The following TPCN2 variants were observed in gnomAD, a reference collection of about 807,000 sequenced individuals.
TPCN2 encodes two pore channel protein 2.
In TPCN2, 92 loss-of-function variants were observed where a neutral mutation model predicts 111.4. The ratio of observed to expected loss-of-function variants is 0.83; its 90% CI spans 0.70 to 0.98. The LOEUF (loss-of-function observed/expected upper bound fraction) is 0.98, where lower values mean the gene tolerates loss of function less well. Ranked by LOEUF, TPCN2 falls within the 50% of genes least tolerant of loss-of-function variation. The pLI, the probability that TPCN2 is intolerant of heterozygous loss-of-function variation, is 0.00. For missense variants in TPCN2, 995 were observed against 980.1 expected (o/e 1.02, Z -0.20); for synonymous variants, 405 against 414.5 (o/e 0.98, Z 0.28).
At chr11:69,083,835 A>G (rs1856150333) in intron 18 of TPCN2, 110 bp from the exon 19 acceptor site, 2 of 970,704 alleles carry the variant, frequency 2.1e-6, no homozygotes, top group Admixed American at 1.9e-5. Flanking sequence ...GTTGGTGGTC[A>G]TTGGCCTGCC....
chr11:69,079,145 C>G lies in TPCN2; in HGVS notation c.1539+125C>G. The G allele has an allele frequency of 9.2e-6, 12 of 1,304,512 alleles. No homozygotes were observed. In the South Asian group the frequency reaches 1.3e-4, roughly 14 times the overall value. The allele number at this position is 1,304,512 out of a possible 1,614,324, so 80.8% of individuals were successfully genotyped here. On this transcript the variant is annotated intron_variant, in intron 16 of 24. Transcript: ENST00000294309. ...GGCTGTAGGAAGGTGGGCTTCTGCT[C>G]TCAGTGGTGAGGGCTGGCTTCCCTG... is the stretch of plus-strand genomic sequence containing the variant.
At chr11:69,077,481 T>C (rs1482920429) in intron 13 of TPCN2, among the ~76,000 whole-genome samples, 3 of 152,228 alleles carry the variant, frequency 2.0e-5, no homozygotes, top group East Asian at 3.9e-4. Context: ...TGTGGCAGAG[T>C]GCGTATCGAG....
chr11:69,085,582 G>T, intron 20 of TPCN2, 89 bp from the exon 21 acceptor site: 1 of 919,694 alleles, frequency 1.1e-6, no homozygotes, highest in South Asian at 1.4e-5. Context: ...AGGCCAGGCT[G>T]AGCACGCCAG....
At chr11:69,054,341 C>T in intron 2 of TPCN2, 1 of 578,106 alleles carries the variant, frequency 1.7e-6, no homozygotes, top group South Asian at 2.0e-5. Context: ...CCACCCCATT[C>T]TAGGTCCCGG....
chr11:69,055,874 C>T (rs545402359), intron 4 of TPCN2, among the ~76,000 whole-genome samples: 2 of 152,320 alleles, frequency 1.3e-5, no homozygotes, highest in South Asian at 4.1e-4. Context: ...CCTCAAGGCT[C>T]ACCCTGCCAC....
chr11:69,057,487 C>T (rs1854825206), intron 4 of TPCN2, 91 bp from the exon 5 acceptor site: 8 of 1,229,660 alleles, frequency 6.5e-6, no homozygotes, highest in African/African-American at 1.5e-5. Context: ...CTGCTCTGGT[C>T]GCCTGGTCCC....
chr11:69,089,954 C>G lies in TPCN2; in HGVS notation c.*2001C>G, dbSNP rs1856390039. 6.6e-6 allele frequency: 1 copy of G among 152,144 alleles called. No individual in the cohort carries two copies. The highest frequency in any genetic ancestry group is 1.5e-5 in the Non-Finnish European group (1 of 68,034). 9.4% of individuals were successfully genotyped at this position (152,144 alleles called of 1,614,324 possible). A position where few individuals can be genotyped will look rare whatever the true frequency, so the allele number is the denominator to read the frequency against. On this transcript the variant is annotated 3_prime_UTR_variant, in exon 25 of 25. Transcript: ENST00000294309. ...TGTACCTACAGTTCTTTAGCTGTTT[C>G]TTTACTTTCTGGTGCAAAAAGATGT...
intron 19 of TPCN2, 94 bp downstream of exon 19, chr11:69,084,110 G>T: frequency 7.7e-7 from 1 of 1,304,300 alleles, no homozygotes. Context: ...TCACTGCTCT[G>T]TCGGTAGGAA....
intron 1 of TPCN2, among the ~76,000 whole-genome samples, chr11:69,053,768 G>A (rs887548409): frequency 6.6e-6 from 1 of 152,176 alleles, no homozygotes; most frequent in Non-Finnish European, 1.5e-5. Flanking sequence ...AGGATGTGCC[G>A]CTTCCCACAG....
At chr11:69,082,088 G>A (rs550447291) in intron 18 of TPCN2, among the ~76,000 whole-genome samples, 4 of 152,204 alleles carry the variant, frequency 2.6e-5, no homozygotes, top group South Asian at 4.1e-4. Flanking sequence ...CTCTGTCCCC[G>A]TTCATCCTTC....
Position 69,063,880 on chromosome 11 carries a change from C to T in TPCN2, c.654-15C>T, listed in dbSNP as rs529399746. 221 of 1,613,214 alleles carry T rather than the reference C, an allele frequency of 1.4e-4. 2 individuals carry two copies. The Middle Eastern group carries it at 6.8e-3, about 49-fold the overall frequency. ...CCGCCGCCTGGCCCAGGCTGAGTGC[C>T]GTGCTCTCCCCCAGCGTCGGGCTGC... is the stretch of plus-strand genomic sequence containing the variant. On this transcript the variant is annotated splice_polypyrimidine_tract_variant and intron_variant, in intron 6 of 24. Coordinates refer to ENST00000294309, the MANE Select transcript of TPCN2 (RefSeq NM_139075.4).
chr11:69,056,044 C>G (rs1265388446), intron 4 of TPCN2, among the ~76,000 whole-genome samples: 1 of 152,272 alleles, frequency 6.6e-6, no homozygotes, highest in Non-Finnish European at 1.5e-5. Context: ...TGAGCCTCGT[C>G]AGAGACTTAG....
intron 5 of TPCN2, among the ~76,000 whole-genome samples, chr11:69,059,871 G>T (rs1020966527): frequency 6.6e-6 from 1 of 152,258 alleles, no homozygotes; most frequent in African/African-American, 2.4e-5. Context: ...CCTGCCTCTG[G>T]CTGAGTGGTT....
chr11:69,084,296 C>G (rs1856176809), intron 19 of TPCN2, among the ~76,000 whole-genome samples: 1 of 152,192 alleles, frequency 6.6e-6, no homozygotes, highest in African/African-American at 2.4e-5. Context: ...TTTTGAGTCT[C>G]TCGTGTTTTC....
In TPCN2 at chr11:69,072,030, G is replaced by T; in HGVS notation, c.1061+7G>T. 1.2e-6 allele frequency: 2 copies of T among 1,609,800 alleles called. No individual in the cohort carries two copies. Among genetic ancestry groups the T allele is most frequent in the Non-Finnish European group, 1.7e-6 (2 of 1,176,854 alleles). ...GAGGAGCCTTCCCTCAGGCGTGAGT[G>T]CTGGGCATGGACCCTCTTCTCCCTG... is the stretch of plus-strand genomic sequence containing the variant. On this transcript the variant is annotated splice_region_variant and intron_variant, in intron 11 of 24. Transcript: ENST00000294309.
chr11:69,054,346 T>A lies in TPCN2; in HGVS notation c.174+249T>A, dbSNP rs566907449. The A allele has an allele frequency of 1.2e-5, 7 of 573,876 alleles. No homozygotes were observed. In the South Asian group the frequency reaches 1.4e-4, roughly 12 times the overall value. 35.5% of individuals were successfully genotyped at this position (573,876 alleles called of 1,614,324 possible). ...CTGTTGTGGACCACCCCATTCTAGG[T>A]CCCGGGTGGGTGGGGGCATCCTGGA... On this transcript the variant is annotated intron_variant, in intron 2 of 24. Coordinates refer to ENST00000294309, the MANE Select transcript of TPCN2 (RefSeq NM_139075.4).
intron 18 of TPCN2, among the ~76,000 whole-genome samples, chr11:69,082,449 A>G (rs1049790372): frequency 2.0e-5 from 3 of 152,300 alleles, no homozygotes; most frequent in African/African-American, 7.2e-5. Flanking sequence ...GCATCACCGT[A>G]TGCACAGATA....
chr11:69,086,045 G>A (rs900142433), intron 22 of TPCN2, 115 bp downstream of exon 22: 13 of 1,026,768 alleles, frequency 1.3e-5, no homozygotes, highest in East Asian at 2.6e-5. Flanking sequence ...ACGGGGACTC[G>A]GGCCTTGACA....
In TPCN2 at chr11:69,057,521, G is replaced by A. The variant is rs114105734; in HGVS notation, c.430-57G>A. 2.5e-3 allele frequency: 3,726 copies of A among 1,513,178 alleles called. 79 individuals carry two copies. The African/African-American group carries it at 0.044, about 18-fold the overall frequency. The allele number at this position is 1,513,178 out of a possible 1,614,324, so 93.7% of individuals were successfully genotyped here. On this transcript the variant is annotated intron_variant, in intron 4 of 24. Transcript: ENST00000294309. ...CCTGCGCTGCGCACCGTCATTCTCT[G>A]GCTGCAGGGCCAGCGTGTGGGGCTA...
Sources: gnomAD v4.1 joint callset for allele counts (sites outside exome capture counted in the v4.1 genomes callset) on GRCh38, gnomAD v4.1.1 for gene constraint, MANE v1.5 for transcripts, NCBI Gene and HGNC (gene_info 2026-07-23, HGNC 2026-07-21) for gene names.